Variants in CHPT1 observed in about 807,000 individuals in gnomAD.
The protein encoded by CHPT1 is cholinephosphotransferase 1.
In CHPT1, 36 loss-of-function variants were observed where a neutral mutation model predicts 47.6. That is an observed-to-expected ratio of 0.76 (90% CI 0.58 to 1.00). The LOEUF is 1.00. Ranked by LOEUF, CHPT1 falls within the 50% of genes least tolerant of loss-of-function variation. The pLI is 0.00. For missense variants in CHPT1, 458 were observed against 498.1 expected, an observed-to-expected ratio of 0.92 and a Z score of 0.77; for synonymous variants, 194 against 186.3, an observed-to-expected ratio of 1.04 and a Z score of -0.33.
chr12:101,701,384 A>G (rs1951552525), intron 1 of CHPT1, among the ~76,000 whole-genome samples: 1 of 152,194 alleles, frequency 6.6e-6, no homozygotes, highest in African/African-American at 2.4e-5. Flanking sequence ...TAATGACAAT[A>G]ACTAACTTTT....
At chr12:101,698,194 G>T in intron 1 of CHPT1, 60 bp downstream of exon 1, 1 of 1,372,644 alleles carries the variant, frequency 7.3e-7, no homozygotes, top group Non-Finnish European at 9.4e-7. Flanking sequence ...GTCGCTGGAG[G>T]CGCCGGGGGA....
intron 5 of CHPT1, among the ~76,000 whole-genome samples, chr12:101,720,556 A>G (rs537600821): frequency 1.3e-5 from 2 of 152,282 alleles, no homozygotes; most frequent in South Asian, 4.1e-4. Context: ...GAGAGGAGAA[A>G]GGGTAGGGAA....
chr12:101,728,020 C>A (rs1338102859), intron 8 of CHPT1: 1 of 152,146 alleles, frequency 6.6e-6, no homozygotes, highest in African/African-American at 2.4e-5. Flanking sequence ...GAGGCCGAGG[C>A]GGGCAGATCA....
Position 101,716,719 on chromosome 12 carries a change from CCT to C in CHPT1, c.564-6_564-5del, listed in dbSNP as rs1437936893. The C allele has an allele frequency of 2.5e-6, 4 of 1,574,692 alleles. No individual in the cohort carries two copies. In the African/African-American group the frequency reaches 5.4e-5, roughly 21 times the overall value. ...AACACCTTATCTATTCTTTGTCCTTCCTCTTTAGAGTGGATGTAACTGAAATT... is the reference window on the plus strand; with the variant it reads ...AACACCTTATCTATTCTTTGTCCTTCCTTTAGAGTGGATGTAACTGAAATT... On this transcript the variant is annotated splice_region_variant and splice_polypyrimidine_tract_variant and intron_variant, in intron 3 of 8. Transcript: ENST00000229266.
intron 1 of CHPT1, among the ~76,000 whole-genome samples, chr12:101,712,139 A>G (rs1951707744): frequency 1.3e-5 from 2 of 148,542 alleles, no homozygotes; most frequent in African/African-American, 4.9e-5. Flanking sequence ...CTCCCACCTC[A>G]GCCTCCTGAG....
intron 3 of CHPT1, among the ~76,000 whole-genome samples, chr12:101,715,815 A>C (rs549439917): frequency 6.6e-6 from 1 of 152,320 alleles, no homozygotes; most frequent in South Asian, 2.1e-4. Context: ...GAGCGTGAGA[A>C]GAGCTCCAGC....
chr12:101,724,765 T>G (rs1951914576), intron 7 of CHPT1, among the ~76,000 whole-genome samples: 1 of 152,200 alleles, frequency 6.6e-6, no homozygotes, highest in Non-Finnish European at 1.5e-5. Context: ...TAATTTCTAT[T>G]CAAAATGATT....
In CHPT1 at chr12:101,699,696, T is replaced by C. The variant is rs11110968; in HGVS notation, c.273+1562T>C. On this transcript the variant is annotated intron_variant, in intron 1 of 8. Coordinates refer to ENST00000229266, the MANE Select transcript of CHPT1 (RefSeq NM_020244.3). The stretch of plus-strand genomic sequence containing the variant: ...GAGCCACTGCGCCAGGCTTATTATA[T>C]ATTTCTTAATAGACATTCCCATTGT... 0.03 allele frequency among the ~76,000 whole-genome samples: 4,501 copies of C among 152,310 alleles called. 377 individuals carry two copies. In the East Asian group the frequency reaches 0.33, roughly 11 times the overall value.
chr12:101,726,346 TTTCAAGACACC>T lies in CHPT1; in HGVS notation c.1123_1133del (p.Arg375SerfsTer13), dbSNP rs1951942579. On this transcript the variant is annotated frameshift_variant, in exon 8 of 9. Coordinates refer to ENST00000229266, the MANE Select transcript of CHPT1 (RefSeq NM_020244.3). LOFTEE classifies it high-confidence loss of function. ...TACTTTAGTGCTTTGTGCCTGCAAATTTCAAGACACCTTCATCTAAATATATTCAAGACTGC... is the reference window on the plus strand; with the variant it reads ...TACTTTAGTGCTTTGTGCCTGCAAATTTCATCTAAATATATTCAAGACTGC... 9 of 1,613,444 alleles carry T rather than the reference TTTCAAGACACC, an allele frequency of 5.6e-6. No homozygotes were observed. Among genetic ancestry groups the T allele is most frequent in the Non-Finnish European group, 7.6e-6 (9 of 1,179,634 alleles).
chr12:101,698,754 C>A (rs951356955), intron 1 of CHPT1, among the ~76,000 whole-genome samples: 1 of 152,078 alleles, frequency 6.6e-6, no homozygotes, highest in Non-Finnish European at 1.5e-5. Context: ...ATTAAAAAAA[C>A]CCCAACATTT....
At chr12:101,701,489 A>G (rs1951554489) in intron 1 of CHPT1, among the ~76,000 whole-genome samples, 1 of 152,206 alleles carries the variant, frequency 6.6e-6, no homozygotes, top group Non-Finnish European at 1.5e-5. Flanking sequence ...TACTATTAGT[A>G]TCATCATTTT....
Position 101,697,680 on chromosome 12 carries a change from G to A in CHPT1, c.-182G>A, listed in dbSNP as rs1027250333. On this transcript the variant is annotated 5_prime_UTR_variant, in exon 1 of 9. Transcript: ENST00000229266. The stretch of plus-strand genomic sequence containing the variant: ...CGCAGCCGCGGCCCCACAGCTTCTG[G>A]GGCTGGGGCCCCGGCAGCCGGGCAG... 3.6e-5 allele frequency: 6 copies of A among 166,538 alleles called. No homozygotes were observed. The highest frequency in any genetic ancestry group is 1.2e-4 in the African/African-American group (5 of 41,612). The allele number at this position is 166,538 out of a possible 1,614,324, so 10.3% of individuals were successfully genotyped here.
intron 1 of CHPT1, among the ~76,000 whole-genome samples, chr12:101,700,728 G>C (rs144302274): frequency 6.6e-6 from 1 of 152,178 alleles, no homozygotes; most frequent in Non-Finnish European, 1.5e-5. Context: ...ATCAGCCAAA[G>C]AGGTTAGCAA....
chr12:101,709,038 G>T (rs1951670363), intron 1 of CHPT1, among the ~76,000 whole-genome samples: 1 of 148,390 alleles, frequency 6.7e-6, no homozygotes, highest in Non-Finnish European at 1.5e-5. Context: ...TAACTTTTTT[G>T]AAAATAAGTT....
At chr12:101,716,986 G>A (rs1403796367) in intron 4 of CHPT1, among the ~76,000 whole-genome samples, 174 bp downstream of exon 4, 2 of 148,970 alleles carry the variant, frequency 1.3e-5, no homozygotes, top group Admixed American at 6.7e-5. Context: ...TTTATAATGT[G>A]TATTATCCTA....
chr12:101,714,170 C>T lies in CHPT1; in HGVS notation c.354C>T (p.Ala118=). 3 of 1,612,812 alleles carry T rather than the reference C, an allele frequency of 1.9e-6. No individual in the cohort carries two copies. In the South Asian group the frequency reaches 3.3e-5, roughly 18 times the overall value. The change falls in exon 2 of 9, where the codon GCC becomes GCT. Residue 118 remains alanine, a synonymous_variant. Transcript: ENST00000229266. ...QSLDAIDGKQ[A]RRTNSCSPLG... is the part of the protein sequence containing the mutation. ...TGGATGCTATTGATGGGAAACAAGC[C>T]AGAAGAACAAACTCTTGTTCCCCTT...
At chr12:101,706,997 C>G (rs1026893368) in intron 1 of CHPT1, among the ~76,000 whole-genome samples, 29 of 152,292 alleles carry the variant, frequency 1.9e-4, no homozygotes, top group African/African-American at 7.0e-4. Context: ...ATCTAATGAG[C>G]ATATTTTGTA....
rs1030857799 is a variant in CHPT1 at position 101,710,250 on chromosome 12, G to C, written c.274-3840G>C. On this transcript the variant is annotated intron_variant, in intron 1 of 8. Coordinates refer to ENST00000229266, the MANE Select transcript of CHPT1 (RefSeq NM_020244.3). ...AATCTCAGCTACTTTGGGAGGTTGA[G>C]GGGGAGGATCACTTGGGCCTGGGAG... Among the ~76,000 whole-genome samples the C allele has an allele frequency of 5.4e-5, 8 of 149,082 alleles. 1 individual carries two copies. The highest frequency in any genetic ancestry group is 3.4e-4 in the Admixed American group (5 of 14,718).
intron 1 of CHPT1, among the ~76,000 whole-genome samples, chr12:101,706,744 T>G (rs1427321653): frequency 6.6e-6 from 1 of 152,150 alleles, no homozygotes; most frequent in Non-Finnish European, 1.5e-5. Flanking sequence ...TTTGAAAAAA[T>G]GGGAGGCTAT....
Sources: allele counts gnomAD v4.1 joint callset (sites outside exome capture counted in the v4.1 genomes callset), GRCh38; gene constraint gnomAD v4.1.1; transcripts MANE v1.5; gene names NCBI Gene and HGNC (gene_info 2026-07-23, HGNC 2026-07-21).